SLC25A40: variants seen among roughly 807,000 people sequenced by gnomAD.
The protein encoded by SLC25A40 is solute carrier family 25 member 40, also known as mitochondrial glutathione transporter SLC25A40.
In SLC25A40, 41 loss-of-function variants were observed where a neutral mutation model predicts 46.5. That is an observed-to-expected ratio of 0.88 (90% CI 0.69 to 1.14). The LOEUF (loss-of-function observed/expected upper bound fraction) is 1.14. Among genes scored for constraint, SLC25A40 ranks in the 50% most tolerant of loss-of-function variants. The pLI, the probability that SLC25A40 is intolerant of heterozygous loss-of-function variation, is 0.00. For synonymous variants in SLC25A40, 126 were observed against 127.5 expected, an observed-to-expected ratio of 0.99 and a Z score of 0.08; for missense variants, 386 against 393.6, an observed-to-expected ratio of 0.98 and a Z score of 0.16.
intron 1 of SLC25A40, among the ~76,000 whole-genome samples, chr7:87,867,813 C>T (rs1584338953): frequency 6.6e-6 from 1 of 152,212 alleles, no homozygotes; most frequent in African/African-American, 2.4e-5. Context: ...CTAGGTGGCA[C>T]TTTAAGCACA....
In SLC25A40 at chr7:87,836,076, A is replaced by G. The variant is rs963785016; in HGVS notation, c.*173T>C. The G allele has an allele frequency of 2.1e-6, 1 of 469,274 alleles. No individual in the cohort carries two copies. The highest frequency in any genetic ancestry group is 2.1e-5 in the African/African-American group (1 of 48,352). The allele number at this position is 469,274 out of a possible 1,614,324, so 29.1% of individuals were successfully genotyped here. A position where few individuals can be genotyped will look rare whatever the true frequency, so the allele number is the denominator to read the frequency against. On this transcript the variant is annotated 3_prime_UTR_variant, in exon 12 of 12. Transcript: ENST00000341119. ...ATCTTTTTCAATATCACCAAAAATA[A>G]GATAAAATTTATTTTAAAATTATGA...
chr7:87,833,901 C>A lies in SLC25A40; in HGVS notation c.*2348G>T, dbSNP rs1375193588. On this transcript the variant is annotated 3_prime_UTR_variant, in exon 12 of 12. Transcript: ENST00000341119. ...TTAAAAAACATATGCAGTTAAATAA[C>A]CATAATGAATAGTTTTCCTAGAAAA... The A allele has an allele frequency of 6.6e-6, 1 of 151,308 alleles. No homozygotes were observed. Among genetic ancestry groups the A allele is most frequent in the Non-Finnish European group, 1.5e-5 (1 of 67,792 alleles). The allele number at this position is 151,308 out of a possible 1,614,324, so 9.4% of individuals were successfully genotyped here.
Position 87,836,151 on chromosome 7 carries a change from A to G in SLC25A40, c.*98T>C, listed in dbSNP as rs919335914. ...TATTTAAATTATAGGAAAGAAAGACATAAAATCATTGTGAGAGAATAATGG... is the reference window on the plus strand; with the variant it reads ...TATTTAAATTATAGGAAAGAAAGACGTAAAATCATTGTGAGAGAATAATGG... On this transcript the variant is annotated 3_prime_UTR_variant, in exon 12 of 12. Coordinates refer to ENST00000341119, the MANE Select transcript of SLC25A40 (RefSeq NM_018843.4). The G allele has an allele frequency of 1.4e-5, 9 of 630,226 alleles. No individual in the cohort carries two copies. Among genetic ancestry groups the G allele is most frequent in the Non-Finnish European group, 2.4e-5 (9 of 370,058 alleles). 39.0% of individuals were successfully genotyped at this position (630,226 alleles called of 1,614,324 possible). A position where few individuals can be genotyped will look rare whatever the true frequency, so the allele number is the denominator to read the frequency against.
chr7:87,873,608 T>C (rs552225030), intron 1 of SLC25A40, among the ~76,000 whole-genome samples: 2 of 152,064 alleles, frequency 1.3e-5, no homozygotes, highest in Non-Finnish European at 2.9e-5. Context: ...AATTTTTGTA[T>C]TGTTAGTACA....
chr7:87,875,988 C>CTCCGGT lies in SLC25A40; in HGVS notation c.-94+102_-94+107dup, dbSNP rs1235546035. 4 of 152,408 alleles carry CTCCGGT rather than the reference C, an allele frequency of 2.6e-5. No homozygotes were observed. The East Asian group carries it at 7.8e-4, about 30-fold the overall frequency. 9.4% of individuals were successfully genotyped at this position (152,408 alleles called of 1,614,324 possible). A position where few individuals can be genotyped will look rare whatever the true frequency, so the allele number is the denominator to read the frequency against. On this transcript the variant is annotated intron_variant, in intron 1 of 11. Coordinates refer to ENST00000341119, the MANE Select transcript of SLC25A40 (RefSeq NM_018843.4). ...GGCTGCGGCTGCCGCCGCTGTCCGG[C>CTCCGGT]TCCGGTTCCGGCCCCGGCCCCGGGC...
At chr7:87,839,900 G>A (rs893543214) in intron 10 of SLC25A40, among the ~76,000 whole-genome samples, 1 of 151,724 alleles carries the variant, frequency 6.6e-6, no homozygotes, top group Non-Finnish European at 1.5e-5. Flanking sequence ...TAGAGAGAAG[G>A]GATTTGGTAT....
At chr7:87,876,023 G>C (rs1396160627) in intron 1 of SLC25A40, 73 bp downstream of exon 1, 1 of 152,322 alleles carries the variant, frequency 6.6e-6, no homozygotes, top group Non-Finnish European at 1.5e-5. Context: ...CCCGGCCAGA[G>C]CTGAGTCCGG....
chr7:87,872,243 G>A (rs918397449), intron 1 of SLC25A40, among the ~76,000 whole-genome samples: 2 of 152,118 alleles, frequency 1.3e-5, no homozygotes, highest in Non-Finnish European at 2.9e-5. Context: ...ACTACCTAAA[G>A]TTTTGAGATG....
Position 87,834,576 on chromosome 7 carries a change from T to C in SLC25A40, c.*1673A>G, listed in dbSNP as rs1188159430. 1.3e-5 allele frequency: 2 copies of C among 151,746 alleles called. No homozygotes were observed. The highest frequency in any genetic ancestry group is 3.9e-4 in the East Asian group (2 of 5,182). The allele number at this position is 151,746 out of a possible 1,614,324, so 9.4% of individuals were successfully genotyped here. A position where few individuals can be genotyped will look rare whatever the true frequency, so the allele number is the denominator to read the frequency against. Reference sequence around the variant, plus strand: ...TGAGGGGTAGGAGACATGGAAACCTTTCTCATACTTATAGGTGATATTAAA... The same window carrying C: ...TGAGGGGTAGGAGACATGGAAACCTCTCTCATACTTATAGGTGATATTAAA... On this transcript the variant is annotated 3_prime_UTR_variant, in exon 12 of 12. Coordinates refer to ENST00000341119, the MANE Select transcript of SLC25A40 (RefSeq NM_018843.4).
intron 2 of SLC25A40, among the ~76,000 whole-genome samples, chr7:87,859,516 C>G (rs1004199267): frequency 1.3e-5 from 2 of 152,056 alleles, no homozygotes; most frequent in African/African-American, 4.8e-5. Flanking sequence ...TACACACATA[C>G]ATATGTATAT....
At chr7:87,847,481 G>A (rs1298205555) in intron 7 of SLC25A40, among the ~76,000 whole-genome samples, 8 of 152,058 alleles carry the variant, frequency 5.3e-5, no homozygotes, top group Non-Finnish European at 1.2e-4. Context: ...TCTGTATAGA[G>A]TCAACGTTCC....
intron 10 of SLC25A40, among the ~76,000 whole-genome samples, chr7:87,839,324 G>T (rs111338741): frequency 5.3e-5 from 8 of 150,264 alleles, no homozygotes; most frequent in African/African-American, 1.9e-4. Flanking sequence ...ATTGAAATAC[G>T]GAAAAATATT....
At chr7:87,841,133 ATG>A (rs561277692) in intron 10 of SLC25A40, among the ~76,000 whole-genome samples, 2,260 of 142,802 alleles carry the variant, frequency 0.016, 25 homozygotes, top group African/African-American at 0.018. Flanking sequence ...TAAAAACAAA[ATG>A]TGTGTGTGTG....
intron 9 of SLC25A40, among the ~76,000 whole-genome samples, chr7:87,842,654 C>A (rs1838353393): frequency 6.6e-6 from 1 of 152,002 alleles, no homozygotes; most frequent in Admixed American, 6.6e-5. Context: ...GAAACTCTTT[C>A]TAAAATGAGG....
intron 5 of SLC25A40, among the ~76,000 whole-genome samples, chr7:87,853,780 T>C (rs147397484): frequency 1.3e-5 from 2 of 152,150 alleles, no homozygotes; most frequent in East Asian, 1.9e-4. Flanking sequence ...GCTTAAGGAG[T>C]TGGTGAGAAC....
chr7:87,847,184 A>AGCAGCACTGTCT, intron 7 of SLC25A40, 62 bp from the exon 8 acceptor site: 4 of 1,193,364 alleles, frequency 3.4e-6, no homozygotes, highest in Non-Finnish European at 4.4e-6. Flanking sequence ...GCAAACACAT[A>AGCAGCACTGTCT]TACTGTAAAA....
intron 1 of SLC25A40, among the ~76,000 whole-genome samples, chr7:87,866,946 G>A (rs1280719514): frequency 2.6e-5 from 4 of 152,342 alleles, no homozygotes; most frequent in South Asian, 2.1e-4. Flanking sequence ...GTTCTGGGCC[G>A]TGAGCAAGCC....
intron 1 of SLC25A40, among the ~76,000 whole-genome samples, chr7:87,868,320 A>C (rs772192218): frequency 6.6e-6 from 1 of 152,260 alleles, no homozygotes; most frequent in Non-Finnish European, 1.5e-5. Context: ...CACCAGAAGA[A>C]TCAACAAAGA....
Position 87,847,974 on chromosome 7 carries a change from C to G in SLC25A40, c.336G>C (p.Val112=), listed in dbSNP as rs1838447226. ...SLWSGLPPTL[V]MAVPATVIYF... ...AAATAACTGTGGCAGGAACTGCCATCACTCTGTTAGATCACACAAAAAGAT... is the reference window on the plus strand; with the variant it reads ...AAATAACTGTGGCAGGAACTGCCATGACTCTGTTAGATCACACAAAAAGAT... Residue 112 remains valine, a synonymous_variant, in exon 7 of 12, where the codon GTG becomes GTC. Transcript: ENST00000341119. 1.2e-6 allele frequency: 2 copies of G among 1,605,662 alleles called. No individual in the cohort carries two copies. The highest frequency in any genetic ancestry group is 1.3e-5 in the African/African-American group (1 of 74,562).
Sources: gnomAD v4.1 joint callset for allele counts (sites outside exome capture counted in the v4.1 genomes callset) on GRCh38, gnomAD v4.1.1 for gene constraint, MANE v1.5 for transcripts, NCBI Gene and HGNC (gene_info 2026-07-23, HGNC 2026-07-21) for gene names.